Variants in CLASP2 observed in about 807,000 individuals in gnomAD.
CLASP2 encodes the protein cytoplasmic linker associated protein 2, also known as CLIP-associating protein 2.
In CLASP2, 47 loss-of-function variants were observed where a neutral mutation model predicts 194.4. The ratio of observed to expected loss-of-function variants is 0.24; its 90% CI spans 0.19 to 0.31. CLASP2 has a LOEUF of 0.31. CLASP2 is among the 10% of genes least tolerant of loss of function. The pLI is 1.00. For missense variants in CLASP2, 1,445 were observed against 1,823.6 expected (o/e 0.79, Z 3.78); for synonymous variants, 619 against 633.5 (o/e 0.98, Z 0.34).
At chr3:33,674,387 G>A (rs1400324890) in intron 6 of CLASP2, among the ~76,000 whole-genome samples, 1 of 151,752 alleles carries the variant, frequency 6.6e-6, no homozygotes, top group Non-Finnish European at 1.5e-5. Flanking sequence ...GATGTTCTTT[G>A]AAACCAACGA....
In CLASP2 at chr3:33,534,982, G is replaced by C. The variant is rs79330461; in HGVS notation, c.3787+251C>G. Among the ~76,000 whole-genome samples the C allele has an allele frequency of 2.5e-3, 377 of 152,176 alleles. 15 individuals are homozygous for C. In the East Asian group the frequency reaches 0.067, roughly 27 times the overall value. On this transcript the variant is annotated intron_variant, in intron 34 of 38. Coordinates refer to ENST00000682230, the MANE Select transcript of CLASP2 (RefSeq NM_001365631.1). The stretch of plus-strand genomic sequence containing the variant: ...AATTTATAAGCTACAATTGGTTTTA[G>C]TTATTTCTGGGTGGTAACTAAGGTT...
chr3:33,567,623 T>TA (rs1281065572), intron 26 of CLASP2, among the ~76,000 whole-genome samples: 2 of 152,182 alleles, frequency 1.3e-5, no homozygotes, highest in Non-Finnish European at 2.9e-5. Context: ...ATTTGATTTT[T>TA]AAAAAACGTA....
intron 18 of CLASP2, 114 bp from the exon 19 acceptor site, chr3:33,596,848 G>A (rs962167351): frequency 5.7e-5 from 44 of 774,576 alleles, no homozygotes; most frequent in Non-Finnish European, 7.0e-5. Flanking sequence ...TAGTACAGAC[G>A]TATATATCAA....
Position 33,496,809 on chromosome 3 carries a change from T to A in CLASP2, c.*1822A>T, listed in dbSNP as rs943203942. ...ATGCATTTTCTTCTTACAGATAAGC[T>A]GTAATATATACATGCGTATGTAGCT... is the stretch of plus-strand genomic sequence containing the variant. On this transcript the variant is annotated 3_prime_UTR_variant, in exon 39 of 39. Coordinates refer to ENST00000682230, the MANE Select transcript of CLASP2 (RefSeq NM_001365631.1). The A allele has an allele frequency of 3.3e-5, 5 of 152,274 alleles. No homozygotes were observed. Among genetic ancestry groups the A allele is most frequent in the African/African-American group, 1.2e-4 (5 of 41,468 alleles). The allele number at this position is 152,274 out of a possible 1,614,324, so 9.4% of individuals were successfully genotyped here.
intron 30 of CLASP2, 53 bp from the exon 31 acceptor site, chr3:33,544,894 A>AC: frequency 7.3e-7 from 1 of 1,368,606 alleles, no homozygotes; most frequent in Non-Finnish European, 9.8e-7. Flanking sequence ...CTCAAACAAG[A>AC]CCGTTTTCTT....
At chr3:33,544,017 C>G (rs934589088) in intron 31 of CLASP2, among the ~76,000 whole-genome samples, 3 of 152,150 alleles carry the variant, frequency 2.0e-5, no homozygotes, top group African/African-American at 7.2e-5. Flanking sequence ...TTTAGAATTA[C>G]TTTTAACCCT....
chr3:33,531,986 G>C (rs1318897437), intron 34 of CLASP2, among the ~76,000 whole-genome samples: 4 of 152,090 alleles, frequency 2.6e-5, no homozygotes, highest in African/African-American at 9.7e-5. Flanking sequence ...ATTAAAAACA[G>C]AACTACCATA....
chr3:33,672,745 A>G lies in CLASP2; in HGVS notation c.645-9230T>C, dbSNP rs1444158767. Among the ~76,000 whole-genome samples the G allele has an allele frequency of 2.0e-5, 3 of 152,244 alleles. No homozygotes were observed. The East Asian group carries it at 5.8e-4, about 29-fold the overall frequency. ...GAATAACCAATACAGAGAAGTGCTTAAAGGAGCTGATGGAGCTGAAAGCCC... is the reference window on the plus strand; with the variant it reads ...GAATAACCAATACAGAGAAGTGCTTGAAGGAGCTGATGGAGCTGAAAGCCC... On this transcript the variant is annotated intron_variant, in intron 6 of 38. Transcript: ENST00000682230.
chr3:33,646,031 A>G (rs1461831455), intron 7 of CLASP2, among the ~76,000 whole-genome samples: 1 of 151,840 alleles, frequency 6.6e-6, no homozygotes, highest in Non-Finnish European at 1.5e-5. Flanking sequence ...TGCACAAATC[A>G]ACCATGACAA....
chr3:33,535,561 T>A, intron 33 of CLASP2, 100 bp from the exon 34 acceptor site: 1 of 924,936 alleles, frequency 1.1e-6, no homozygotes, highest in Non-Finnish European at 1.6e-6. Flanking sequence ...AAGACAATTT[T>A]AAAAAGATAA....
At chr3:33,633,888 G>A (rs1442286771) in intron 8 of CLASP2, among the ~76,000 whole-genome samples, 1 of 152,186 alleles carries the variant, frequency 6.6e-6, no homozygotes, top group African/African-American at 2.4e-5. Context: ...AGGACAGTAT[G>A]AGAATATCTA....
intron 21 of CLASP2, chr3:33,588,850 A>C: frequency 1.6e-6 from 1 of 632,562 alleles, no homozygotes; most frequent in African/African-American, 1.8e-5. Flanking sequence ...TCAGAAAATT[A>C]AAAAACCCTA....
rs1010452168 is a variant in CLASP2 at position 33,680,387 on chromosome 3, A to G, written c.644+3972T>C. On this transcript the variant is annotated intron_variant, in intron 6 of 38. Coordinates refer to ENST00000682230, the MANE Select transcript of CLASP2 (RefSeq NM_001365631.1). ...ATGATATGTCAATGTAGGTTCATCA[A>G]TTATAACAAATGTACCACTCTGTTG... 5.9e-5 allele frequency among the ~76,000 whole-genome samples: 9 copies of G among 152,234 alleles called. No individual in the cohort carries two copies. The South Asian group carries it at 6.2e-4, about 10-fold the overall frequency.
intron 25 of CLASP2, among the ~76,000 whole-genome samples, chr3:33,571,014 A>ATTTTTTTTTT (rs1276472825): frequency 2.3e-5 from 3 of 127,744 alleles, no homozygotes; most frequent in Non-Finnish European, 5.0e-5. Context: ...TGTCTCTATA[A>ATTTTTTTTTT]ATTTTTTTTT....
chr3:33,708,582 C>A (rs78583281), intron 1 of CLASP2, among the ~76,000 whole-genome samples: 7,778 of 146,786 alleles, frequency 0.053, 643 homozygotes, highest in African/African-American at 0.18. Flanking sequence ...ACACACACAC[C>A]CCCCACATTT....
rs182390252 is a variant in CLASP2, at chr3:33,627,111, G to A, written c.943-31C>T. ...AAAAAAGATTCAGAATTATAACAAT[G>A]TTTCTTGCCATGAACAATATCAAAA... On this transcript the variant is annotated intron_variant, in intron 9 of 38. Coordinates refer to ENST00000682230, the MANE Select transcript of CLASP2 (RefSeq NM_001365631.1). 2.4e-5 allele frequency: 31 copies of A among 1,274,266 alleles called. No individual in the cohort carries two copies. In the East Asian group the frequency reaches 6.2e-4, roughly 26 times the overall value. The allele number at this position is 1,274,266 out of a possible 1,614,324, so 78.9% of individuals were successfully genotyped here.
At chr3:33,587,799 C>G (rs1379365845) in intron 21 of CLASP2, among the ~76,000 whole-genome samples, 1 of 152,142 alleles carries the variant, frequency 6.6e-6, no homozygotes, top group East Asian at 1.9e-4. Context: ...TCCAAACACC[C>G]AACATGCCAC....
chr3:33,711,768 G>C (rs1201698968), intron 1 of CLASP2, among the ~76,000 whole-genome samples: 1 of 151,930 alleles, frequency 6.6e-6, no homozygotes, highest in Non-Finnish European at 1.5e-5. Flanking sequence ...ACAAACATAT[G>C]AAAAAATGTT....
chr3:33,711,149 A>C (rs2092984485), intron 1 of CLASP2, among the ~76,000 whole-genome samples: 1 of 152,154 alleles, frequency 6.6e-6, no homozygotes, highest in Non-Finnish European at 1.5e-5. Context: ...GGAATTTAAA[A>C]TGAAGCCAGT....
Sources: gnomAD v4.1 joint callset for allele counts (sites outside exome capture counted in the v4.1 genomes callset) on GRCh38, gnomAD v4.1.1 for gene constraint, MANE v1.5 for transcripts, NCBI Gene and HGNC (gene_info 2026-07-23, HGNC 2026-07-21) for gene names.